Variants in XRRA1 observed in about 807,000 individuals in gnomAD.
XRRA1 encodes X-ray radiation resistance associated 1, also known as X-ray radiation resistance-associated protein 1.
A neutral mutation model predicts 80.2 loss-of-function variants in XRRA1; 69 were observed. The observed-to-expected ratio is 0.86, with a 90% CI of 0.71 to 1.05. The LOEUF is 1.05. Ranked by LOEUF, XRRA1 falls within the 50% of genes least tolerant of loss-of-function variation. The pLI, the probability that XRRA1 is intolerant of heterozygous loss-of-function variation, is 0.00. For synonymous variants in XRRA1, 348 were observed against 389.9 expected, an observed-to-expected ratio of 0.89 and a Z score of 1.27; for missense variants, 967 against 976.4, an observed-to-expected ratio of 0.99 and a Z score of 0.13.
At chr11:74,912,842 T>C (rs1382191460) in intron 8 of XRRA1, among the ~76,000 whole-genome samples, 2 of 152,204 alleles carry the variant, frequency 1.3e-5, no homozygotes, top group Admixed American at 1.3e-4. Context: ...GAGCTCAATA[T>C]GCCTAGTAGC....
intron 7 of XRRA1, among the ~76,000 whole-genome samples, chr11:74,923,725 C>T (rs1255251328): frequency 1.3e-5 from 2 of 152,208 alleles, no homozygotes; most frequent in African/African-American, 4.8e-5. Flanking sequence ...GTTCACATAT[C>T]ACTACACTCT....
intron 10 of XRRA1, among the ~76,000 whole-genome samples, chr11:74,895,022 A>G (rs999106773): frequency 2.0e-5 from 3 of 152,200 alleles, no homozygotes; most frequent in Non-Finnish European, 4.4e-5. Flanking sequence ...AGAAGCCTAC[A>G]CCATTTGTCC....
chr11:74,864,071 T>C (rs989266673), intron 10 of XRRA1: 4 of 151,972 alleles, frequency 2.6e-5, no homozygotes, highest in Non-Finnish European at 1.5e-5. Context: ...TTGAGGAAAA[T>C]TAACAATATA....
intron 3 of XRRA1, among the ~76,000 whole-genome samples, chr11:74,939,055 C>T (rs1945731560): frequency 6.6e-6 from 1 of 152,142 alleles, no homozygotes; most frequent in Admixed American, 6.5e-5. Context: ...TGGAATTCTA[C>T]TATAAGAAAG....
chr11:74,855,187 T>G (rs2135706683), intron 12 of XRRA1, among the ~76,000 whole-genome samples: 1 of 152,340 alleles, frequency 6.6e-6, no homozygotes, highest in African/African-American at 2.4e-5. Context: ...ACTTCAGAGA[T>G]AGAGGATGAA....
chr11:74,878,684 C>T (rs1178263499), intron 10 of XRRA1, among the ~76,000 whole-genome samples: 1 of 148,586 alleles, frequency 6.7e-6, no homozygotes, highest in Non-Finnish European at 1.5e-5. Context: ...CTACATATGG[C>T]TAGCCAGTTT....
intron 10 of XRRA1, among the ~76,000 whole-genome samples, chr11:74,894,551 C>T (rs1404675918): frequency 2.6e-5 from 4 of 152,140 alleles, no homozygotes; most frequent in African/African-American, 9.7e-5. Flanking sequence ...ACCTTCTTCA[C>T]AAGGTGGCAG....
At position 74,851,969 on chromosome 11, in the gene XRRA1, C is replaced by T. The variant is rs1364623728; in HGVS notation, c.1264+20G>A. 1 of 1,607,038 alleles carries T rather than the reference C, an allele frequency of 6.2e-7. No individual in the cohort carries two copies. Among genetic ancestry groups the T allele is most frequent in the East Asian group, 2.2e-5 (1 of 44,788 alleles). ...CCTTGGGCACTGGGTTGAGAGGGGG[C>T]AGGTTTGCGGGCACTATACCTCGTG... On this transcript the variant is annotated intron_variant, in intron 13 of 18. Transcript: ENST00000684022.
At position 74,882,541 on chromosome 11, in the gene XRRA1, C is replaced by T. The variant is rs1011372181; in HGVS notation, c.1004-19520G>A. Among the ~76,000 whole-genome samples the T allele has an allele frequency of 6.6e-5, 10 of 152,260 alleles. No individual in the cohort carries two copies. The East Asian group carries it at 1.5e-3, about 23-fold the overall frequency. ...AGTCATTCTCCATCCAGGTTTGTTC[C>T]GTTGCTGGTGAGGAACTGCGTTCCT... On this transcript the variant is annotated intron_variant, in intron 10 of 18. Transcript: ENST00000684022.
intron 7 of XRRA1, among the ~76,000 whole-genome samples, chr11:74,923,351 T>C (rs1397887574): frequency 6.6e-6 from 1 of 152,080 alleles, no homozygotes; most frequent in African/African-American, 2.4e-5. Flanking sequence ...CATCAGCAAA[T>C]TCCAAGGTTT....
chr11:74,897,615 A>G (rs1190828901), intron 10 of XRRA1, among the ~76,000 whole-genome samples: 2 of 151,974 alleles, frequency 1.3e-5, no homozygotes, highest in African/African-American at 2.4e-5. Flanking sequence ...ATAAGAAACA[A>G]CATACAATGG....
intron 10 of XRRA1, among the ~76,000 whole-genome samples, chr11:74,869,934 G>A (rs1305031742): frequency 6.6e-6 from 1 of 152,092 alleles, no homozygotes; most frequent in Non-Finnish European, 1.5e-5. Context: ...GATTTCCTCA[G>A]CCATGAGACA....
intron 10 of XRRA1, among the ~76,000 whole-genome samples, chr11:74,888,245 A>G (rs914096209): frequency 6.6e-6 from 1 of 152,204 alleles, no homozygotes; most frequent in African/African-American, 2.4e-5. Flanking sequence ...ACGATCAAGC[A>G]GCAACATCTG....
intron 10 of XRRA1, among the ~76,000 whole-genome samples, chr11:74,866,209 G>T (rs1357132524): frequency 1.3e-5 from 2 of 152,250 alleles, no homozygotes; most frequent in East Asian, 3.9e-4. Flanking sequence ...CTCAGACAAA[G>T]AATTCAAAAG....
rs746059050 is a variant in XRRA1, at chr11:74,843,469, C to A, written c.2150-16G>T. The A allele has an allele frequency of 6.2e-7, 1 of 1,606,448 alleles. No homozygotes were observed. Among genetic ancestry groups the A allele is most frequent in the Non-Finnish European group, 8.5e-7 (1 of 1,176,676 alleles). On this transcript the variant is annotated splice_polypyrimidine_tract_variant and intron_variant, in intron 18 of 18. Transcript: ENST00000684022. ...AGGACAGCACCTGCAGGAAAAGAAG[C>A]CAGGAGAGGCACCAAGCTCATCCTG...
chr11:74,864,966 C>G (rs1477408258), intron 10 of XRRA1, among the ~76,000 whole-genome samples: 1 of 152,132 alleles, frequency 6.6e-6, no homozygotes, highest in Non-Finnish European at 1.5e-5. Context: ...ACACATGCCC[C>G]TCTGAGCCAA....
chr11:74,871,754 T>A (rs2044836695), intron 10 of XRRA1, among the ~76,000 whole-genome samples: 1 of 152,102 alleles, frequency 6.6e-6, no homozygotes, highest in Non-Finnish European at 1.5e-5. Flanking sequence ...GCCACTAGGG[T>A]TCAAGTTCCT....
intron 7 of XRRA1, among the ~76,000 whole-genome samples, chr11:74,922,644 C>T (rs1003435135): frequency 1.2e-4 from 19 of 152,160 alleles, no homozygotes; most frequent in Non-Finnish European, 2.6e-4. Context: ...CTTTGGTCAG[C>T]CACATCAGTA....
At chr11:74,871,142 A>C (rs531144285) in intron 10 of XRRA1, among the ~76,000 whole-genome samples, 15 of 152,362 alleles carry the variant, frequency 9.8e-5, no homozygotes, top group African/African-American at 3.6e-4. Flanking sequence ...AGAAGTTAGG[A>C]AGTCAAAGGG....
Sources: gnomAD v4.1 joint callset for allele counts (sites outside exome capture counted in the v4.1 genomes callset) on GRCh38, gnomAD v4.1.1 for gene constraint, MANE v1.5 for transcripts, NCBI Gene and HGNC (gene_info 2026-07-23, HGNC 2026-07-21) for gene names.